The following NRXN1 variants were observed in gnomAD, a reference collection of about 807,000 sequenced individuals.
NRXN1 encodes the protein neurexin 1.
Under a neutral mutation model 150.9 loss-of-function variants are expected in NRXN1, and 39 were observed. The ratio of observed to expected loss-of-function variants is 0.26; its 90% CI spans 0.20 to 0.34. The LOEUF (loss-of-function observed/expected upper bound fraction) is 0.34. NRXN1 is among the 10% of genes least tolerant of loss of function. The pLI, the probability that NRXN1 is intolerant of heterozygous loss-of-function variation, is 1.00. For missense variants in NRXN1, 1,815 were observed against 1,949.9 expected (o/e 0.93, Z 1.30); for synonymous variants, 924 against 757.0 (o/e 1.22, Z -3.62).
rs61420555 is a variant in NRXN1 at position 50,799,147 on chromosome 2, C to T, written c.832+122722G>A. 9.3e-3 allele frequency among the ~76,000 whole-genome samples: 1,413 copies of T among 152,188 alleles called. 26 individuals carry two copies. Among genetic ancestry groups the T allele is most frequent in the African/African-American group, 0.033 (1,353 of 41,528 alleles). On this transcript the variant is annotated intron_variant, in intron 5 of 22. Transcript: ENST00000401669. ...GAAAAAAATAATATAAGCTAAATTT[C>T]CTCTGTTCATTTATATATGCCGTGG...
chr2:50,281,025 C>A (rs975779527), intron 17 of NRXN1, among the ~76,000 whole-genome samples: 1 of 151,932 alleles, frequency 6.6e-6, no homozygotes, highest in East Asian at 1.9e-4. Context: ...CCATAATAGG[C>A]CGGGCGCGGT....
At chr2:50,119,626 T>C (rs907855394) in intron 18 of NRXN1, among the ~76,000 whole-genome samples, 11 of 151,640 alleles carry the variant, frequency 7.3e-5, no homozygotes, top group African/African-American at 2.7e-4. Flanking sequence ...CCAGGTTGAG[T>C]GAAAAATATA....
intron 17 of NRXN1, chr2:50,464,379 T>A (rs1014752728): frequency 6.6e-6 from 1 of 151,928 alleles, no homozygotes; most frequent in Non-Finnish European, 1.5e-5. Flanking sequence ...AGGTAAATTG[T>A]ACTTTATTGC....
intron 9 of NRXN1, among the ~76,000 whole-genome samples, chr2:50,551,636 T>C (rs1667555856): frequency 6.6e-6 from 1 of 152,154 alleles, no homozygotes; most frequent in African/African-American, 2.4e-5. Flanking sequence ...TTAGTTATCT[T>C]CTATTATAAG....
At chr2:50,650,888 A>C (rs1282381048) in intron 5 of NRXN1, among the ~76,000 whole-genome samples, 9 of 152,080 alleles carry the variant, frequency 5.9e-5, no homozygotes, top group East Asian at 3.9e-4. Flanking sequence ...GAATATAAAA[A>C]AGTATAAAAA....
chr2:49,922,566 C>A (rs1210914396), intron 22 of NRXN1, among the ~76,000 whole-genome samples: 1 of 152,004 alleles, frequency 6.6e-6, no homozygotes, highest in Non-Finnish European at 1.5e-5. Context: ...GTAAAAAAAA[C>A]CCACAAACCC....
intron 17 of NRXN1, among the ~76,000 whole-genome samples, chr2:50,350,581 G>A (rs1158717724): frequency 6.6e-6 from 1 of 152,124 alleles, no homozygotes; most frequent in African/African-American, 2.4e-5. Context: ...AGGATCAACT[G>A]TATTTGTTAT....
At chr2:50,747,112 G>A (rs990660406) in intron 5 of NRXN1, among the ~76,000 whole-genome samples, 2 of 152,086 alleles carry the variant, frequency 1.3e-5, no homozygotes, top group Non-Finnish European at 1.5e-5. Flanking sequence ...AAAGAAGATA[G>A]AGACCGGCAT....
intron 17 of NRXN1, among the ~76,000 whole-genome samples, chr2:50,433,603 G>A (rs2104390785): frequency 6.6e-6 from 1 of 150,692 alleles, no homozygotes; most frequent in South Asian, 2.1e-4. Flanking sequence ...GGGAGTTATG[G>A]GCAGCGAAAA....
intron 17 of NRXN1, among the ~76,000 whole-genome samples, chr2:50,332,387 G>T (rs2076894272): frequency 6.6e-6 from 1 of 152,072 alleles, no homozygotes; most frequent in Non-Finnish European, 1.5e-5. Context: ...TTTAATCCAG[G>T]AAAATTAGAG....
chr2:50,992,057 C>T (rs1210931558), intron 2 of NRXN1, among the ~76,000 whole-genome samples: 2 of 151,920 alleles, frequency 1.3e-5, no homozygotes, highest in Non-Finnish European at 2.9e-5. Flanking sequence ...CTTTAGAAGC[C>T]ACCCAGTTTC....
At chr2:49,947,373 G>A (rs867865420) in intron 21 of NRXN1, among the ~76,000 whole-genome samples, 2 of 151,904 alleles carry the variant, frequency 1.3e-5, no homozygotes, top group African/African-American at 2.4e-5. Flanking sequence ...CTGGAGGCAC[G>A]TTTGGTAATA....
intron 5 of NRXN1, among the ~76,000 whole-genome samples, chr2:50,854,403 AC>A (rs1267808488): frequency 1.3e-5 from 2 of 152,018 alleles, no homozygotes; most frequent in Non-Finnish European, 2.9e-5. Flanking sequence ...TACTAGTAAA[AC>A]CCAATGGAAA....
At chr2:50,182,154 C>A (rs1011767195) in intron 18 of NRXN1, among the ~76,000 whole-genome samples, 2 of 141,214 alleles carry the variant, frequency 1.4e-5, no homozygotes, top group Non-Finnish European at 3.0e-5. Flanking sequence ...AACCATATAG[C>A]TATTTCCTCT....
In NRXN1 at chr2:49,967,177, G is replaced by C. The variant is rs550742427; in HGVS notation, c.4129-23386C>G. Among the ~76,000 whole-genome samples, 4 of 152,066 alleles carry C rather than the reference G, an allele frequency of 2.6e-5. 1 individual carries two copies. In the East Asian group the frequency reaches 7.7e-4, roughly 29 times the overall value. On this transcript the variant is annotated intron_variant, in intron 21 of 22. Transcript: ENST00000401669. Reference sequence around the variant, plus strand: ...CCTTAAAAATTGATTAAAATTAACTGAATGTTAATTTCTTAGTATTGACAG... The same window carrying C: ...CCTTAAAAATTGATTAAAATTAACTCAATGTTAATTTCTTAGTATTGACAG...
chr2:50,291,613 C>G (rs2072935686), intron 17 of NRXN1, among the ~76,000 whole-genome samples: 1 of 152,136 alleles, frequency 6.6e-6, no homozygotes, highest in Admixed American at 6.6e-5. Context: ...AACAATTTAA[C>G]GAAGCCCGAA....
intron 18 of NRXN1, among the ~76,000 whole-genome samples, chr2:50,107,520 C>CATATATATATATATAT (rs150310372): frequency 7.3e-6 from 1 of 136,070 alleles, no homozygotes; most frequent in African/African-American, 2.8e-5. Context: ...TTCCAGACTA[C>CATATATATATATATAT]ATATATATAT....
intron 21 of NRXN1, among the ~76,000 whole-genome samples, chr2:50,001,446 A>G (rs1001040567): frequency 1.3e-5 from 2 of 152,074 alleles, no homozygotes; most frequent in Non-Finnish European, 2.9e-5. Flanking sequence ...AAGTATGTAA[A>G]GCATTTAGGG....
At chr2:50,832,084 G>C (rs1574638012) in intron 5 of NRXN1, among the ~76,000 whole-genome samples, 1 of 152,312 alleles carries the variant, frequency 6.6e-6, no homozygotes, top group East Asian at 1.9e-4. Context: ...TATTATTTTA[G>C]GCATGCATAC....
Sources: allele counts gnomAD v4.1 joint callset (sites outside exome capture counted in the v4.1 genomes callset), GRCh38; gene constraint gnomAD v4.1.1; transcripts MANE v1.5; gene names NCBI Gene and HGNC (gene_info 2026-07-23, HGNC 2026-07-21).